Variants in NR3C2 observed in about 807,000 individuals in gnomAD.
NR3C2 encodes the protein nuclear receptor subfamily 3 group C member 2.
Under a neutral mutation model 86.4 loss-of-function variants are expected in NR3C2, and 15 were observed. The observed-to-expected ratio is 0.17, with a 90% confidence interval of 0.12 to 0.27. NR3C2 has a LOEUF of 0.27. NR3C2 is among the 10% of genes least tolerant of loss of function. The pLI is 1.00. For synonymous variants in NR3C2, 458 were observed against 450.5 expected (o/e 1.02, Z -0.21); for missense variants, 960 against 1,195.6 (o/e 0.80, Z 2.91).
intron 4 of NR3C2, among the ~76,000 whole-genome samples, chr4:148,179,306 G>T (rs922949564): frequency 2.6e-5 from 4 of 151,580 alleles, no homozygotes; most frequent in African/African-American, 9.7e-5. Context: ...CAAATGACAA[G>T]ATTTCCTATG....
intron 8 of NR3C2, among the ~76,000 whole-genome samples, chr4:148,094,225 C>T (rs992868539): frequency 4.6e-5 from 7 of 152,140 alleles, no homozygotes; most frequent in African/African-American, 1.4e-4. Context: ...TGGAAAATAA[C>T]AAGTGTTGAC....
intron 4 of NR3C2, among the ~76,000 whole-genome samples, chr4:148,186,986 GTGTATGTATGTATATATA>G (rs1326791112): frequency 0.033 from 3,358 of 101,188 alleles, 253 homozygotes; most frequent in Middle Eastern, 0.053. Context: ...ATACTGATGT[GTGTATGTATGTATATATA>G]TATATATATA....
intron 3 of NR3C2, 74 bp downstream of exon 3, chr4:148,259,904 T>A: frequency 6.4e-7 from 1 of 1,565,204 alleles, no homozygotes; most frequent in Non-Finnish European, 8.8e-7. Context: ...CCAATAATGC[T>A]ATAGCATTAG....
rs535348982 is a variant in NR3C2 at position 148,363,363 on chromosome 4, C to T, written c.1757+71741G>A. Among the ~76,000 whole-genome samples, 4 of 152,222 alleles carry T rather than the reference C, an allele frequency of 2.6e-5. No individual in the cohort carries two copies. In the South Asian group the frequency reaches 6.2e-4, roughly 24 times the overall value. ...ATTTGGACCTGTCAGAACACACCTT[C>T]CTTCCATTTTTCAGTCATTTATTCA... On this transcript the variant is annotated intron_variant, in intron 2 of 8. Coordinates refer to ENST00000358102, the MANE Select transcript of NR3C2 (RefSeq NM_000901.5).
At position 148,435,846 on chromosome 4, in the gene NR3C2, T is replaced by C; in HGVS notation, c.1015A>G (p.Asn339Asp). 6 of 1,614,182 alleles carry C rather than the reference T, an allele frequency of 3.7e-6. No homozygotes were observed. Among genetic ancestry groups the C allele is most frequent in the Non-Finnish European group, 5.1e-6 (6 of 1,180,028 alleles). Residue 339 changes from asparagine to aspartate, a missense_variant, in exon 2 of 9, where the codon AAT (asparagine) becomes GAT (aspartate). Asn to Asp is a conservative substitution (Grantham distance 23). Coordinates refer to ENST00000358102, the MANE Select transcript of NR3C2 (RefSeq NM_000901.5). ...CCAGAAGCAGTGTAGCTGAAGGCAT[T>C]GTTTACAGGGCTACAGATAGATCCC... is the stretch of plus-strand genomic sequence containing the variant. ...TVGSICSPVN[N>D]AFSYTASGTS...
At chr4:148,217,380 C>T (rs1737596437) in intron 3 of NR3C2, among the ~76,000 whole-genome samples, 1 of 152,188 alleles carries the variant, frequency 6.6e-6, no homozygotes, top group Admixed American at 6.5e-5. Flanking sequence ...CTCTCATTTC[C>T]CACAGATCCC....
At chr4:148,298,070 G>A (rs1378685986) in intron 2 of NR3C2, among the ~76,000 whole-genome samples, 2 of 152,040 alleles carry the variant, frequency 1.3e-5, no homozygotes, top group Admixed American at 6.5e-5. Flanking sequence ...TCTGCCTCAT[G>A]GTCCAACAAT....
chr4:148,172,325 A>C (rs974497827), intron 4 of NR3C2, among the ~76,000 whole-genome samples: 2 of 152,132 alleles, frequency 1.3e-5, no homozygotes, highest in East Asian at 3.9e-4. Context: ...AAGTAAGCAT[A>C]ATCAAGAAGT....
intron 2 of NR3C2, among the ~76,000 whole-genome samples, chr4:148,316,573 T>C (rs1273811360): frequency 6.6e-6 from 1 of 152,152 alleles, no homozygotes; most frequent in Non-Finnish European, 1.5e-5. Context: ...AGAATAGGTA[T>C]ATCTGAAATG....
At chr4:148,112,883 G>A (rs948045604) in intron 8 of NR3C2, among the ~76,000 whole-genome samples, 19 of 152,076 alleles carry the variant, frequency 1.2e-4, no homozygotes, top group African/African-American at 4.3e-4. Context: ...AATGATGCCT[G>A]TCAACATTTT....
chr4:148,217,184 C>T (rs955211587), intron 3 of NR3C2, among the ~76,000 whole-genome samples: 11 of 152,292 alleles, frequency 7.2e-5, no homozygotes, highest in African/African-American at 1.7e-4. Flanking sequence ...CAGAGTTCCC[C>T]GCTACAGCTC....
chr4:148,331,836 T>TA (rs1161788965), intron 2 of NR3C2, among the ~76,000 whole-genome samples: 1 of 152,182 alleles, frequency 6.6e-6, no homozygotes, highest in Admixed American at 6.5e-5. Context: ...TACTGAATAA[T>TA]AAGAAAAACT....
chr4:148,249,578 T>C (rs1292227339), intron 3 of NR3C2, among the ~76,000 whole-genome samples: 1 of 152,222 alleles, frequency 6.6e-6, no homozygotes, highest in African/African-American at 2.4e-5. Context: ...ATGCATTCTG[T>C]TGTCGAATGT....
chr4:148,161,218 A>G (rs1246667968), intron 4 of NR3C2, among the ~76,000 whole-genome samples: 1 of 152,264 alleles, frequency 6.6e-6, no homozygotes, highest in Admixed American at 6.5e-5. Context: ...AAATATTCTC[A>G]GATTAATCTA....
At chr4:148,177,798 A>G (rs978988605) in intron 4 of NR3C2, among the ~76,000 whole-genome samples, 10 of 152,034 alleles carry the variant, frequency 6.6e-5, no homozygotes, top group Non-Finnish European at 1.2e-4. Flanking sequence ...TAATATCTCC[A>G]TATCCCTCAT....
chr4:148,389,105 T>C (rs1747412351), intron 2 of NR3C2, among the ~76,000 whole-genome samples: 1 of 152,206 alleles, frequency 6.6e-6, no homozygotes, highest in Non-Finnish European at 1.5e-5. Flanking sequence ...TCCACTTTCA[T>C]CTACCAAGGC....
At chr4:148,116,518 A>T (rs1321035935) in intron 7 of NR3C2, among the ~76,000 whole-genome samples, 1 of 152,238 alleles carries the variant, frequency 6.6e-6, no homozygotes, top group South Asian at 2.1e-4. Context: ...CCTCAAGAAC[A>T]TGAGAGCCTC....
intron 2 of NR3C2, among the ~76,000 whole-genome samples, chr4:148,417,037 A>G (rs1749046816): frequency 6.6e-6 from 1 of 152,140 alleles, no homozygotes; most frequent in African/African-American, 2.4e-5. Flanking sequence ...TCCGCCTCGC[A>G]AAGTGCTGGG....
chr4:148,373,055 A>T (rs769512153), intron 2 of NR3C2, among the ~76,000 whole-genome samples: 1 of 152,228 alleles, frequency 6.6e-6, no homozygotes, highest in Admixed American at 6.5e-5. Context: ...TTCTAATGGA[A>T]TTAAACATTA....
Sources: allele counts gnomAD v4.1 joint callset (sites outside exome capture counted in the v4.1 genomes callset), GRCh38; gene constraint gnomAD v4.1.1; transcripts MANE v1.5; gene names NCBI Gene and HGNC (gene_info 2026-07-23, HGNC 2026-07-21).